Variants in PRKCZ observed in about 807,000 individuals in gnomAD.
PRKCZ encodes protein kinase C zeta type.
In PRKCZ, 33 loss-of-function variants were observed where a neutral mutation model predicts 79.5. The ratio of observed to expected loss-of-function variants is 0.41; its 90% CI spans 0.31 to 0.55. The LOEUF is 0.55. Among genes scored for constraint, PRKCZ ranks in the 20% least tolerant of loss-of-function variants. PRKCZ has a pLI of 0.19. For synonymous variants in PRKCZ, 342 were observed against 320.9 expected (o/e 1.07, Z -0.70); for missense variants, 578 against 813.5 (o/e 0.71, Z 3.52).
At chr1:2,180,533 C>CGCACGGACGACGTGGAT (rs938035377) in intron 16 of PRKCZ, among the ~76,000 whole-genome samples, 4 of 150,988 alleles carry the variant, frequency 2.6e-5, no homozygotes, top group Non-Finnish European at 5.9e-5. Flanking sequence ...ATGACGTGGA[C>CGCACGGACGACGTGGAT]GCACGGACGA....
At position 2,110,050 on chromosome 1, in the gene PRKCZ, C is replaced by T. The variant is rs560242779; in HGVS notation, c.335-25212C>T. Among the ~76,000 whole-genome samples the T allele has an allele frequency of 7.9e-5, 12 of 151,790 alleles. No individual in the cohort carries two copies. The South Asian group carries it at 2.3e-3, about 29-fold the overall frequency. On this transcript the variant is annotated intron_variant, in intron 4 of 17. Coordinates refer to ENST00000378567, the MANE Select transcript of PRKCZ (RefSeq NM_002744.6). ...GGCCCTCCCTGGGGGCAGCCAAGGACCTAAAACCAATGGGTCCCAACCAAG... is the reference window on the plus strand; with the variant it reads ...GGCCCTCCCTGGGGGCAGCCAAGGATCTAAAACCAATGGGTCCCAACCAAG...
At chr1:2,111,669 G>A (rs1014818687) in intron 4 of PRKCZ, 6 of 152,306 alleles carry the variant, frequency 3.9e-5, no homozygotes, top group African/African-American at 7.2e-5. Context: ...GGCTGCTGCC[G>A]GCCTGGACTC....
At chr1:2,085,377 G>GT (rs1173071923) in intron 4 of PRKCZ, among the ~76,000 whole-genome samples, 1 of 152,252 alleles carries the variant, frequency 6.6e-6, no homozygotes, top group Non-Finnish European at 1.5e-5. Flanking sequence ...CCTCCAGCCT[G>GT]TTGACCATCT....
chr1:2,073,797 C>G (rs1186871885), intron 4 of PRKCZ: 1 of 1,028,008 alleles, frequency 9.7e-7, no homozygotes, highest in Non-Finnish European at 1.2e-6. Context: ...CTCGAGCCTC[C>G]CTGCCTATTG....
rs530008127 is a variant in PRKCZ, at chr1:2,178,630, G to C, written c.1575+3317G>C. ...CCGGTGGTCTCAGTCTAGCCTTTCAGGGGGGCCACCTGTTCCTGCAGCGGC... is the reference window on the plus strand; with the variant it reads ...CCGGTGGTCTCAGTCTAGCCTTTCACGGGGGCCACCTGTTCCTGCAGCGGC... On this transcript the variant is annotated intron_variant, in intron 16 of 17. Coordinates refer to ENST00000378567, the MANE Select transcript of PRKCZ (RefSeq NM_002744.6). This position sits in a 1 kb window ranked among gnomAD's most constrained non-coding sequence, Gnocchi z 4.3. Among the ~76,000 whole-genome samples, 326 of 152,226 alleles carry C rather than the reference G, an allele frequency of 2.1e-3. 1 individual carries two copies. The highest frequency in any genetic ancestry group is 6.6e-3 in the South Asian group (32 of 4,818).
rs529459867 is a variant in PRKCZ at position 2,168,682 on chromosome 1, G to C, written c.975-836G>C. On this transcript the variant is annotated intron_variant, in intron 10 of 17. Transcript: ENST00000378567. The surrounding 1 kb of genome is among the most constrained non-coding windows in gnomAD (Gnocchi z 4.7). ...TGTGGGAGCTTGCGTGGGATCGAAG[G>C]AAACGGGCAGAGTCACCACACGCTT... is the stretch of plus-strand genomic sequence containing the variant. Among the ~76,000 whole-genome samples the C allele has an allele frequency of 6.6e-6, 1 of 152,196 alleles. No homozygotes were observed. The highest frequency in any genetic ancestry group is 1.9e-4 in the East Asian group (1 of 5,172).
In PRKCZ at chr1:2,184,680, A is replaced by G. The variant is rs1687288187; in HGVS notation, c.1673A>G (p.Gln558Arg). The change falls in exon 17 of 18, where the codon CAG becomes CGG. Residue 558 changes from glutamine (Q) to arginine (R), a missense_variant. Gln to Arg is a conservative substitution (Grantham distance 43, BLOSUM62 1). Around this residue, in one of 4 missense-constraint regions of PRKCZ, gnomAD observed 243 missense variants for 467.0 expected, o/e 0.52. Coordinates refer to ENST00000378567, the MANE Select transcript of PRKCZ (RefSeq NM_002744.6). Reference protein sequence around the residue: ...FDTQFTSEPVQLTPDDEDAIK... With the variant: ...FDTQFTSEPVRLTPDDEDAIK... ...ACACAGTTCACCAGCGAGCCCGTGC[A>G]GCTGACCCCAGACGATGAGTGAGTC... 1 of 1,613,528 alleles carries G rather than the reference A, an allele frequency of 6.2e-7. No individual in the cohort carries two copies. Among genetic ancestry groups the G allele is most frequent in the South Asian group, 1.1e-5 (1 of 91,000 alleles).
At chr1:2,114,557 C>T (rs925574473) in intron 4 of PRKCZ, among the ~76,000 whole-genome samples, 2 of 152,102 alleles carry the variant, frequency 1.3e-5, no homozygotes, top group African/African-American at 2.4e-5. Flanking sequence ...GGGTAGATCA[C>T]GAGGTCAGGA....
At chr1:2,159,376 G>A (rs1169212665) in intron 10 of PRKCZ, among the ~76,000 whole-genome samples, 4 of 152,350 alleles carry the variant, frequency 2.6e-5, no homozygotes, top group Non-Finnish European at 5.9e-5. Flanking sequence ...CTCTTTGTGC[G>A]TTGGTTCTGC....
chr1:2,180,429 C>T (rs1038940349), intron 16 of PRKCZ, among the ~76,000 whole-genome samples: 11 of 152,148 alleles, frequency 7.2e-5, no homozygotes, highest in African/African-American at 2.7e-4. Context: ...CGTAGACACA[C>T]GGATGACTCA....
intron 4 of PRKCZ, among the ~76,000 whole-genome samples, chr1:2,068,910 C>T (rs563656866): frequency 4.3e-4 from 66 of 152,192 alleles, no homozygotes; most frequent in African/African-American, 1.0e-3. Flanking sequence ...CGGTGCTCAG[C>T]GGAACTGAGA....
At position 2,177,539 on chromosome 1, in the gene PRKCZ, C is replaced by T. The variant is rs960602230; in HGVS notation, c.1575+2226C>T. 3.3e-5 allele frequency among the ~76,000 whole-genome samples: 5 copies of T among 152,172 alleles called. No homozygotes were observed. The highest frequency in any genetic ancestry group is 2.1e-4 in the South Asian group (1 of 4,830). On this transcript the variant is annotated intron_variant, in intron 16 of 17. Transcript: ENST00000378567. This position sits in a 1 kb window ranked among gnomAD's most constrained non-coding sequence, Gnocchi z 6.4. ...GGACAGATGGCTGCCTGTGGAGTGA[C>T]GGGCTCCTTCTCTTCGGAGCACTGT...
intron 4 of PRKCZ, among the ~76,000 whole-genome samples, chr1:2,110,033 C>T (rs1386913290): frequency 6.6e-6 from 1 of 151,952 alleles, no homozygotes; most frequent in Non-Finnish European, 1.5e-5. Context: ...GGGGCCCTCC[C>T]TGGGGGCAGC....
At chr1:2,163,806 G>A (rs991313136) in intron 10 of PRKCZ, among the ~76,000 whole-genome samples, 12 of 152,150 alleles carry the variant, frequency 7.9e-5, no homozygotes, top group African/African-American at 2.9e-4. Flanking sequence ...GGCTGAGGCA[G>A]GAGAATGGCG....
At position 2,127,197 on chromosome 1, in the gene PRKCZ, C is replaced by T. The variant is rs572469988; in HGVS notation, c.335-8065C>T. On this transcript the variant is annotated intron_variant, in intron 4 of 17. Coordinates refer to ENST00000378567, the MANE Select transcript of PRKCZ (RefSeq NM_002744.6). This position sits in a 1 kb window ranked among gnomAD's most constrained non-coding sequence, Gnocchi z 5.1. Reference sequence around the variant, plus strand: ...GCGCCCCGGGCAACCATCTGCTTCCCGCCACAGTGGTGCCCAAAACCTTTT... The same window carrying T: ...GCGCCCCGGGCAACCATCTGCTTCCTGCCACAGTGGTGCCCAAAACCTTTT... 1.0e-4 allele frequency among the ~76,000 whole-genome samples: 16 copies of T among 152,394 alleles called. No homozygotes were observed. The highest frequency in any genetic ancestry group is 2.1e-4 in the South Asian group (1 of 4,832).
At chr1:2,050,186 C>T (rs1012170759), upstream of PRKCZ, 1 of 152,070 alleles carries the variant, frequency 6.6e-6, no homozygotes, top group African/African-American at 2.4e-5. Flanking sequence ...CAGAGCCGCG[C>T]CGCGCGCGGT....
intron 4 of PRKCZ, among the ~76,000 whole-genome samples, chr1:2,129,146 A>C (rs147446589): frequency 7.6e-4 from 116 of 152,194 alleles, no homozygotes; most frequent in African/African-American, 2.6e-3. Context: ...ACACTGAGGG[A>C]ACCTTCTAGT....
At chr1:2,074,726 C>T (rs368307262) in intron 4 of PRKCZ, 74 of 207,876 alleles carry the variant, frequency 3.6e-4, no homozygotes, top group South Asian at 1.8e-3. Context: ...TGGCGAGGAG[C>T]GGGGCTGCGG....
Position 2,172,879 on chromosome 1 carries a change from C to T in PRKCZ, c.1285+491C>T, listed in dbSNP as rs909525676. Reference sequence around the variant, plus strand: ...GGGCACGCGTGTGCAGCCGTGTGTGCGTGTGTGAAACGGGGACGTGGGCAC... The same window carrying T: ...GGGCACGCGTGTGCAGCCGTGTGTGTGTGTGTGAAACGGGGACGTGGGCAC... On this transcript the variant is annotated intron_variant, in intron 13 of 17. Transcript: ENST00000378567. This position sits in a 1 kb window ranked among gnomAD's most constrained non-coding sequence, Gnocchi z 7.8. 3.3e-5 allele frequency among the ~76,000 whole-genome samples: 5 copies of T among 151,180 alleles called. No homozygotes were observed. In the South Asian group the frequency reaches 6.3e-4, roughly 19 times the overall value.
Sources: gnomAD v4.1 joint callset for allele counts (sites outside exome capture counted in the v4.1 genomes callset) on GRCh38, gnomAD v4.1.1 for gene constraint, gnomAD v4.1.1 regional missense constraint, Gnocchi (gnomAD v3.1) non-coding constraint, MANE v1.5 for transcripts, NCBI Gene and HGNC (gene_info 2026-07-23, HGNC 2026-07-21) for gene names.